ABCC1: variants seen among roughly 807,000 people sequenced by gnomAD.
The protein encoded by ABCC1 is multidrug resistance-associated protein 1.
ABCC1 carries 83 observed loss-of-function variants against 172.9 expected under a neutral mutation model. The observed-to-expected ratio is 0.48, with a 90% CI of 0.40 to 0.58. The LOEUF (loss-of-function observed/expected upper bound fraction) is 0.58. Among genes scored for constraint, ABCC1 ranks in the 20% least tolerant of loss-of-function variants. The pLI, the probability that ABCC1 is intolerant of heterozygous loss-of-function variation, is 0.00. For missense variants in ABCC1, 1,817 were observed against 2,002.7 expected (o/e 0.91, Z 1.77); for synonymous variants, 937 against 825.2 (o/e 1.14, Z -2.32).
chr16:16,108,705 C>A (rs1009759402), intron 21 of ABCC1, among the ~76,000 whole-genome samples: 1 of 151,680 alleles, frequency 6.6e-6, no homozygotes, highest in African/African-American at 2.4e-5. Flanking sequence ...AAGTGATTCT[C>A]CCACCTCAGC....
chr16:15,989,829 C>T lies in ABCC1; in HGVS notation c.49-17987C>T, dbSNP rs565406675. Among the ~76,000 whole-genome samples the T allele has an allele frequency of 3.3e-5, 5 of 152,190 alleles. No individual in the cohort carries two copies. The East Asian group carries it at 9.7e-4, about 29-fold the overall frequency. ...TGGAGCGATGTACATGAAACCTGAACGCAGTGCCTGGTATGCAGTCCGTGC... is the reference window on the plus strand; with the variant it reads ...TGGAGCGATGTACATGAAACCTGAATGCAGTGCCTGGTATGCAGTCCGTGC... On this transcript the variant is annotated intron_variant, in intron 1 of 30. Coordinates refer to ENST00000399410, the MANE Select transcript of ABCC1 (RefSeq NM_004996.4).
chr16:16,117,619 G>A (rs771079639), intron 23 of ABCC1, among the ~76,000 whole-genome samples: 25 of 152,126 alleles, frequency 1.6e-4, no homozygotes, highest in Non-Finnish European at 3.1e-4. Context: ...AAAACTTTCA[G>A]TTGGGCCTAG....
At chr16:16,064,894 T>G (rs745479721) in intron 12 of ABCC1, among the ~76,000 whole-genome samples, 1 of 152,166 alleles carries the variant, frequency 6.6e-6, no homozygotes, top group Non-Finnish European at 1.5e-5. Flanking sequence ...TAAATCCTAG[T>G]GCTAGAGAAA....
chr16:16,102,515 G>A, intron 19 of ABCC1, 112 bp from the exon 20 acceptor site: 1 of 904,770 alleles, frequency 1.1e-6, no homozygotes, highest in East Asian at 2.6e-5. Flanking sequence ...TGATCATCCT[G>A]GCGGCCAGGT....
At chr16:16,091,274 C>T (rs1469149839) in intron 19 of ABCC1, among the ~76,000 whole-genome samples, 2 of 151,732 alleles carry the variant, frequency 1.3e-5, no homozygotes, top group Non-Finnish European at 2.9e-5. Flanking sequence ...ACAAAAAATA[C>T]AAAAAATTTG....
At chr16:16,141,100 A>G in intron 30 of ABCC1, 73 bp from the exon 31 acceptor site, 1 of 1,334,944 alleles carries the variant, frequency 7.5e-7, no homozygotes, top group South Asian at 1.2e-5. Context: ...TGACTTGCCC[A>G]GGTCAGTTGT....
In ABCC1 at chr16:16,068,055, C is replaced by A. The variant is rs1255378122; in HGVS notation, c.1678-101C>A. Reference sequence around the variant, plus strand: ...TCCAGCAGCTGGTCAGTTGTGGCCACCTGGGGAGGGCCCAAGCGCGTCTCC... The same window carrying A: ...TCCAGCAGCTGGTCAGTTGTGGCCAACTGGGGAGGGCCCAAGCGCGTCTCC... On this transcript the variant is annotated intron_variant, in intron 12 of 30. Transcript: ENST00000399410. The A allele has an allele frequency of 2.8e-6, 4 of 1,451,762 alleles. No individual in the cohort carries two copies. The African/African-American group carries it at 4.2e-5, about 15-fold the overall frequency. 89.9% of individuals were successfully genotyped at this position (1,451,762 alleles called of 1,614,324 possible).
intron 1 of ABCC1, among the ~76,000 whole-genome samples, chr16:15,995,541 GGCCGC>G: frequency 6.7e-6 from 1 of 149,222 alleles, no homozygotes. Flanking sequence ...TGGTAGTTTT[GGCCGC>G]TTTGCATAAA....
At chr16:16,008,163 G>A (rs2047625321) in intron 2 of ABCC1, among the ~76,000 whole-genome samples, 171 bp downstream of exon 2, 1 of 151,882 alleles carries the variant, frequency 6.6e-6, no homozygotes, top group African/African-American at 2.4e-5. Context: ...AGACAAACAT[G>A]GGTACAAATC....
chr16:16,068,094 G>A, intron 12 of ABCC1, 62 bp from the exon 13 acceptor site: 1 of 1,601,918 alleles, frequency 6.2e-7, no homozygotes, highest in Non-Finnish European at 8.5e-7. Context: ...GCCTGTCACT[G>A]CTCCTAGGAT....
chr16:16,014,214 G>A (rs562299119), intron 3 of ABCC1, among the ~76,000 whole-genome samples: 2 of 152,314 alleles, frequency 1.3e-5, no homozygotes, highest in Admixed American at 1.3e-4. Context: ...GGGAGGCCAA[G>A]GCAAGTGGAT....
At chr16:16,050,795 G>A (rs372696818) in intron 10 of ABCC1, among the ~76,000 whole-genome samples, 292 of 150,874 alleles carry the variant, frequency 1.9e-3, no homozygotes, top group South Asian at 0.014. Flanking sequence ...CCCAGCTACC[G>A]TGGAGGCTGA....
intron 5 of ABCC1, among the ~76,000 whole-genome samples, chr16:16,023,023 C>T (rs966454446): frequency 6.6e-6 from 1 of 152,118 alleles, no homozygotes; most frequent in African/African-American, 2.4e-5. Context: ...ATGATCTTCC[C>T]GCTTCTGCCT....
chr16:16,095,461 G>C (rs2051433353), intron 19 of ABCC1, among the ~76,000 whole-genome samples: 1 of 152,182 alleles, frequency 6.6e-6, no homozygotes, highest in Non-Finnish European at 1.5e-5. Flanking sequence ...AGGCAAGCAG[G>C]GTAGAGGCCA....
intron 19 of ABCC1, among the ~76,000 whole-genome samples, chr16:16,101,390 T>A (rs971486235): frequency 6.6e-6 from 1 of 152,146 alleles, no homozygotes. Flanking sequence ...GACTGAGAAT[T>A]CCTGGCATGG....
intron 1 of ABCC1, among the ~76,000 whole-genome samples, chr16:15,998,614 G>A (rs570597626): frequency 6.6e-6 from 1 of 152,264 alleles, no homozygotes; most frequent in East Asian, 1.9e-4. Flanking sequence ...TCCCACAGCC[G>A]CCCTTTGGGT....
At chr16:16,036,134 A>C (rs1370590034) in intron 6 of ABCC1, among the ~76,000 whole-genome samples, 2 of 151,896 alleles carry the variant, frequency 1.3e-5, no homozygotes, top group Non-Finnish European at 2.9e-5. Context: ...CAAGTAAATA[A>C]ATGAATGAAC....
chr16:16,084,424 C>T (rs1037714559), intron 17 of ABCC1, among the ~76,000 whole-genome samples: 1 of 148,904 alleles, frequency 6.7e-6, no homozygotes, highest in Non-Finnish European at 1.5e-5. Context: ...AGTGTAGTGG[C>T]TCACTCTTGG....
intron 22 of ABCC1, among the ~76,000 whole-genome samples, chr16:16,112,398 T>C (rs1488374114): frequency 1.3e-5 from 2 of 152,046 alleles, no homozygotes; most frequent in Non-Finnish European, 2.9e-5. Context: ...CCCTGCTCTA[T>C]ACTGTTCTGT....
Sources: allele counts gnomAD v4.1 joint callset (sites outside exome capture counted in the v4.1 genomes callset), GRCh38; gene constraint gnomAD v4.1.1; transcripts MANE v1.5; gene names NCBI Gene and HGNC (gene_info 2026-07-23, HGNC 2026-07-21).